Variants in TBC1D31 observed in about 807,000 individuals in gnomAD.
The protein encoded by TBC1D31 is TBC1 domain family member 31.
In TBC1D31, 99 loss-of-function variants were observed where a neutral mutation model predicts 132.9. The ratio of observed to expected loss-of-function variants is 0.74; its 90% CI spans 0.63 to 0.88. TBC1D31 has a LOEUF of 0.88. TBC1D31 is among the 40% of genes least tolerant of loss of function. The probability of loss-of-function intolerance (pLI) is 0.00; values close to 1 mark genes in which losing one functional copy is unlikely to be tolerated. For missense variants in TBC1D31, 1,134 were observed against 1,256.6 expected, an observed-to-expected ratio of 0.90 and a Z score of 1.48; for synonymous variants, 385 against 419.4, an observed-to-expected ratio of 0.92 and a Z score of 1.00.
At chr8:123,141,426 C>A (rs1046770441) in intron 18 of TBC1D31, among the ~76,000 whole-genome samples, 2 of 99,732 alleles carry the variant, frequency 2.0e-5, no homozygotes, top group Non-Finnish European at 4.3e-5. Context: ...GTATTTTTCA[C>A]GCCAAATTTG....
At position 123,140,964 on chromosome 8, in the gene TBC1D31, G is replaced by T. The variant is rs1821600976; in HGVS notation, c.2640+63G>T. ...AAATTTTCATCTGTCACCCTCTTAAGAGAACAAAATCGAAATTAAACTCTG... is the reference window on the plus strand; with the variant it reads ...AAATTTTCATCTGTCACCCTCTTAATAGAACAAAATCGAAATTAAACTCTG... On this transcript the variant is annotated intron_variant, in intron 18 of 21. Coordinates refer to ENST00000287380, the MANE Select transcript of TBC1D31 (RefSeq NM_145647.4). 2.0e-6 allele frequency: 3 copies of T among 1,480,596 alleles called. No individual in the cohort carries two copies. In the African/African-American group the frequency reaches 4.3e-5, roughly 21 times the overall value. 91.7% of individuals were successfully genotyped at this position (1,480,596 alleles called of 1,614,324 possible). A position where few individuals can be genotyped will look rare whatever the true frequency, so the allele number is the denominator to read the frequency against.
Position 123,082,762 on chromosome 8 carries a change from G to A in TBC1D31, c.285G>A (p.Arg95=). The A allele has an allele frequency of 6.2e-7, 1 of 1,613,360 alleles. No individual in the cohort carries two copies. The highest frequency in any genetic ancestry group is 1.1e-5 in the South Asian group (1 of 91,078). The change falls in exon 3 of 22, where the codon AGG becomes AGA. Residue 95 remains arginine, a synonymous_variant. Coordinates refer to ENST00000287380, the MANE Select transcript of TBC1D31 (RefSeq NM_145647.4). ...CAGCTCTGGCCTTTAATCTTCGTAG[G>A]AAATCTGAATTCCTTGTGGCATTAG... is the stretch of plus-strand genomic sequence containing the variant. ...ACTALAFNLR[R]KSEFLVALAD... is the part of the protein sequence containing the mutation.
chr8:123,124,938 C>CAAAAAAA (rs1310001681), intron 11 of TBC1D31, among the ~76,000 whole-genome samples: 1 of 81,080 alleles, frequency 1.2e-5, no homozygotes. Context: ...CTCCGTCTCA[C>CAAAAAAA]AAAAAAAAAA....
chr8:123,105,371 A>G lies in TBC1D31; in HGVS notation c.1116A>G (p.Ser372=). Residue 372 remains serine, a synonymous_variant, in exon 8 of 22, where the codon TCA becomes TCG. Coordinates refer to ENST00000287380, the MANE Select transcript of TBC1D31 (RefSeq NM_145647.4). ...GTGATCTTAAGATGAAAGTAACATC[A>G]GGGAGAGTACAGCAGCCAGCAAAAT... is the stretch of plus-strand genomic sequence containing the variant. ...SSSDLKMKVT[S]GRVQQPAKSR... is the part of the protein sequence containing the mutation. 1 of 1,612,794 alleles carries G rather than the reference A, an allele frequency of 6.2e-7. No homozygotes were observed. The highest frequency in any genetic ancestry group is 8.5e-7 in the Non-Finnish European group (1 of 1,179,356).
Position 123,129,119 on chromosome 8 carries a change from A to C in TBC1D31, c.2171A>C (p.Glu724Ala), listed in dbSNP as rs1301447705. ...AKVDQQRVED[E>A]AWYQKQELLR... is the part of the protein sequence containing the mutation. ...GTCGACCAGCAAAGAGTTGAAGATGAAGCTTGGTACCAGAAACAGGAGCTG... is the reference window on the plus strand; with the variant it reads ...GTCGACCAGCAAAGAGTTGAAGATGCAGCTTGGTACCAGAAACAGGAGCTG... The change falls in exon 15 of 22, where the codon GAA (glutamate) becomes GCA (alanine). Residue 724 changes from glutamate (E) to alanine (A), a missense_variant. Physicochemically the swap from Glu to Ala is moderately radical, Grantham distance 107. Coordinates refer to ENST00000287380, the MANE Select transcript of TBC1D31 (RefSeq NM_145647.4). 2 of 1,610,432 alleles carry C rather than the reference A, an allele frequency of 1.2e-6. No individual in the cohort carries two copies. The highest frequency in any genetic ancestry group is 2.7e-5 in the African/African-American group (2 of 74,878).
intron 1 of TBC1D31, among the ~76,000 whole-genome samples, chr8:123,074,179 A>T (rs1283350838): frequency 6.6e-6 from 1 of 151,790 alleles, no homozygotes; most frequent in African/African-American, 2.4e-5. Flanking sequence ...TTACAGGCGC[A>T]CCACTCCCGG....
intron 7 of TBC1D31, chr8:123,103,928 A>C (rs1171573288): frequency 6.6e-6 from 1 of 152,178 alleles, no homozygotes; most frequent in Non-Finnish European, 1.5e-5. Context: ...GGCTACATTA[A>C]TGTTCAATTC....
At position 123,083,935 on chromosome 8, in the gene TBC1D31, C is replaced by G. The variant is rs77878342; in HGVS notation, c.341-227C>G. 2.8e-3 allele frequency: 1,206 copies of G among 436,534 alleles called. 10 individuals are homozygous for G. Among genetic ancestry groups the G allele is most frequent in the African/African-American group, 0.022 (1,092 of 49,788 alleles). 27.0% of individuals were successfully genotyped at this position (436,534 alleles called of 1,614,324 possible). ...CATCAATTTTGAAGTTATTCTTCATCAAAGCCTTTGTCAGCCTTGTCTCCT... is the reference window on the plus strand; with the variant it reads ...CATCAATTTTGAAGTTATTCTTCATGAAAGCCTTTGTCAGCCTTGTCTCCT... On this transcript the variant is annotated intron_variant, in intron 3 of 21. Coordinates refer to ENST00000287380, the MANE Select transcript of TBC1D31 (RefSeq NM_145647.4).
intron 16 of TBC1D31, among the ~76,000 whole-genome samples, chr8:123,131,023 A>G (rs914141494): frequency 1.3e-5 from 2 of 152,088 alleles, no homozygotes; most frequent in African/African-American, 4.8e-5. Flanking sequence ...TTAAAAATTG[A>G]CCTTCTCCAT....
intron 14 of TBC1D31, 52 bp downstream of exon 14, chr8:123,128,565 C>CATA (rs3080677): frequency 0.28 from 364,456 of 1,307,626 alleles, 54,714 homozygotes; most frequent in African/African-American, 0.55. Flanking sequence ...ATGTTATAAA[C>CATA]ATAAGAAAGT....
intron 11 of TBC1D31, 95 bp downstream of exon 11, chr8:123,120,283 T>C (rs1819344563): frequency 1.0e-6 from 1 of 1,002,002 alleles, no homozygotes; most frequent in African/African-American, 1.6e-5. Flanking sequence ...CAATTCTAGA[T>C]GTCTCTACTT....
At chr8:123,077,533 ATT>A (rs33948089) in intron 2 of TBC1D31, among the ~76,000 whole-genome samples, 17 of 143,530 alleles carry the variant, frequency 1.2e-4, no homozygotes, top group Admixed American at 9.8e-4. Flanking sequence ...ATTATTGCTA[ATT>A]TTTTTTTTTT....
Position 123,093,678 on chromosome 8 carries a change from A to G in TBC1D31, c.607A>G (p.Lys203Glu), listed in dbSNP as rs2130174740. 2 of 1,611,872 alleles carry G rather than the reference A, an allele frequency of 1.2e-6. No homozygotes were observed. The highest frequency in any genetic ancestry group is 2.2e-5 in the East Asian group (1 of 44,722). The change falls in exon 5 of 22, where the codon AAA (lysine) becomes GAA (glutamate). Residue 203 changes from lysine to glutamate, a missense_variant. By Grantham distance (56) the Lys-to-Glu change is moderately conservative. Coordinates refer to ENST00000287380, the MANE Select transcript of TBC1D31 (RefSeq NM_145647.4). ...CTGGGAATGTGACACACTTTTTTGC[A>G]AATATCAATTGCCAGCTCCACCTGA... ...FAWECDTLFC[K>E]YQLPAPPESS...
downstream of TBC1D31, among the ~76,000 whole-genome samples, chr8:123,153,621 C>CA (rs2131004822): frequency 1.3e-5 from 2 of 152,314 alleles, no homozygotes; most frequent in East Asian, 3.9e-4. Context: ...GTTGACATTG[C>CA]AAAGGTTATC....
chr8:123,106,093 A>C (rs1241382809), intron 8 of TBC1D31, among the ~76,000 whole-genome samples: 2 of 152,178 alleles, frequency 1.3e-5, no homozygotes, highest in Non-Finnish European at 2.9e-5. Context: ...ATAATACCTG[A>C]TATTTTTCAC....
intron 5 of TBC1D31, among the ~76,000 whole-genome samples, chr8:123,095,676 C>G (rs1160306005): frequency 6.6e-6 from 1 of 152,182 alleles, no homozygotes; most frequent in East Asian, 1.9e-4. Context: ...CATCCTTTTA[C>G]TACAACTCCA....
At chr8:123,118,679 T>G (rs1436932494) in intron 10 of TBC1D31, among the ~76,000 whole-genome samples, 1 of 151,186 alleles carries the variant, frequency 6.6e-6, no homozygotes, top group Non-Finnish European at 1.5e-5. Context: ...AAAAAAAAAA[T>G]GGATAAACAA....
At chr8:123,114,883 C>T (rs965832935) in intron 10 of TBC1D31, among the ~76,000 whole-genome samples, 1 of 152,164 alleles carries the variant, frequency 6.6e-6, no homozygotes, top group Admixed American at 6.5e-5. Flanking sequence ...TGCCGCTTAT[C>T]TTCCTTTTTA....
the TBC1D31 span, among the ~76,000 whole-genome samples, chr8:123,164,721 C>CAAA: frequency 6.8e-6 from 1 of 146,874 alleles, no homozygotes; most frequent in Non-Finnish European, 1.5e-5. Context: ...GACTCCATCT[C>CAAA]AAAAAAAAAA....
Sources: gnomAD v4.1 joint callset for allele counts (sites outside exome capture counted in the v4.1 genomes callset) on GRCh38, gnomAD v4.1.1 for gene constraint, MANE v1.5 for transcripts, NCBI Gene and HGNC (gene_info 2026-07-23, HGNC 2026-07-21) for gene names.